Variants in CPNE4 observed in about 807,000 individuals in gnomAD.
The protein encoded by CPNE4 is copine 4, also known as copine-4.
A neutral mutation model predicts 67.9 loss-of-function variants in CPNE4; 25 were observed. The observed-to-expected ratio is 0.37, with a 90% CI of 0.27 to 0.51. The LOEUF (loss-of-function observed/expected upper bound fraction) is 0.51, where lower values mean the gene tolerates loss of function less well. CPNE4 is among the 20% of genes least tolerant of loss of function. The probability of loss-of-function intolerance (pLI) is 0.93; values close to 1 mark genes in which losing one functional copy is unlikely to be tolerated. For missense variants in CPNE4, 464 were observed against 690.8 expected (o/e 0.67, Z 3.68); for synonymous variants, 242 against 244.9 (o/e 0.99, Z 0.11).
chr3:132,015,745 A>G (rs888948670), intron 1 of CPNE4, among the ~76,000 whole-genome samples: 1 of 152,226 alleles, frequency 6.6e-6, no homozygotes. Flanking sequence ...AGGCTAAGCC[A>G]TTGAAGGGAT....
At chr3:131,605,708 G>T (rs934221312) in intron 7 of CPNE4, among the ~76,000 whole-genome samples, 1 of 152,078 alleles carries the variant, frequency 6.6e-6, no homozygotes, top group Non-Finnish European at 1.5e-5. Context: ...ACACTGGAAA[G>T]ATTATAAAGA....
intron 1 of CPNE4, among the ~76,000 whole-genome samples, chr3:131,999,918 C>A (rs950458877): frequency 2.6e-5 from 4 of 151,946 alleles, no homozygotes; most frequent in Non-Finnish European, 5.9e-5. Flanking sequence ...TTCTTTTCCT[C>A]CATTCAATTG....
chr3:132,010,363 T>C (rs1399248695), intron 1 of CPNE4, among the ~76,000 whole-genome samples: 1 of 152,094 alleles, frequency 6.6e-6, no homozygotes, highest in Admixed American at 6.5e-5. Context: ...CAAAATATGG[T>C]TTTTAAGAGA....
intron 2 of CPNE4, among the ~76,000 whole-genome samples, chr3:131,838,580 A>G (rs918456594): frequency 4.7e-5 from 7 of 149,320 alleles, no homozygotes; most frequent in African/African-American, 1.5e-4. Flanking sequence ...AAATAATAAT[A>G]ATGTTGATGA....
intron 2 of CPNE4, among the ~76,000 whole-genome samples, chr3:131,734,033 G>C (rs1411309182): frequency 1.3e-5 from 2 of 152,116 alleles, no homozygotes; most frequent in African/African-American, 4.8e-5. Context: ...CTGAAGCTTG[G>C]GATCAGCTTC....
intron 2 of CPNE4, among the ~76,000 whole-genome samples, chr3:131,897,269 T>A (rs1016818127): frequency 6.6e-6 from 1 of 152,134 alleles, no homozygotes; most frequent in Non-Finnish European, 1.5e-5. Context: ...ACTAGTCTCG[T>A]GACCTGAACA....
intron 1 of CPNE4, among the ~76,000 whole-genome samples, chr3:131,910,142 C>T (rs2107787206): frequency 6.6e-6 from 1 of 152,226 alleles, no homozygotes; most frequent in Non-Finnish European, 1.5e-5. Context: ...CTTCCCTCTG[C>T]TCAGGGCCCT....
chr3:131,898,031 C>G (rs1004450267), intron 2 of CPNE4, among the ~76,000 whole-genome samples: 2 of 151,514 alleles, frequency 1.3e-5, no homozygotes, highest in Non-Finnish European at 2.9e-5. Flanking sequence ...TAAGTACTCT[C>G]AATATATTTA....
Position 131,952,717 on chromosome 3 carries a change from G to A in CPNE4, c.-1-47273C>T, listed in dbSNP as rs561093661. On this transcript the variant is annotated intron_variant, in intron 1 of 15. Transcript: ENST00000429747. ...TGGGAAGTGAGGAGCCCCTCTGCCC[G>A]GCCACCACCCCGTCTGGGAGGTGTA... 2.7e-4 allele frequency among the ~76,000 whole-genome samples: 41 copies of A among 151,988 alleles called. 1 individual carries two copies. The East Asian group carries it at 4.9e-3, about 18-fold the overall frequency.
At chr3:131,910,665 C>G (rs2088942767) in intron 1 of CPNE4, among the ~76,000 whole-genome samples, 1 of 152,128 alleles carries the variant, frequency 6.6e-6, no homozygotes, top group Non-Finnish European at 1.5e-5. Flanking sequence ...AGATTTGCTG[C>G]TTCCTCCCCT....
chr3:131,628,650 A>G (rs1281908216), intron 7 of CPNE4, among the ~76,000 whole-genome samples: 1 of 152,160 alleles, frequency 6.6e-6, no homozygotes, highest in Admixed American at 6.5e-5. Context: ...CCAGGAATTT[A>G]TCCATTTCTT....
At chr3:131,889,495 G>A (rs1473582743) in intron 2 of CPNE4, among the ~76,000 whole-genome samples, 1 of 152,126 alleles carries the variant, frequency 6.6e-6, no homozygotes, top group Non-Finnish European at 1.5e-5. Flanking sequence ...CTAATTTCAG[G>A]TTGAATGAAA....
chr3:131,746,193 A>T (rs1174381500), intron 2 of CPNE4, among the ~76,000 whole-genome samples: 3 of 152,164 alleles, frequency 2.0e-5, no homozygotes, highest in South Asian at 2.1e-4. Flanking sequence ...CGTGATGTTT[A>T]GATTCACATA....
intron 2 of CPNE4, among the ~76,000 whole-genome samples, chr3:131,824,273 T>A (rs959593796): frequency 6.6e-6 from 1 of 152,194 alleles, no homozygotes; most frequent in Non-Finnish European, 1.5e-5. Context: ...ATCTCTGATA[T>A]CTTTCTTGTT....
At chr3:131,972,417 C>T (rs2072528577) in intron 1 of CPNE4, among the ~76,000 whole-genome samples, 1 of 152,152 alleles carries the variant, frequency 6.6e-6, no homozygotes, top group Admixed American at 6.5e-5. Flanking sequence ...AGAACAAATG[C>T]CAATCCCCAG....
intron 1 of CPNE4, among the ~76,000 whole-genome samples, chr3:132,034,086 A>G (rs889021787): frequency 2.0e-5 from 3 of 152,220 alleles, no homozygotes; most frequent in East Asian, 1.9e-4. Context: ...GTGGGGGAGG[A>G]GGTTGAGAGG....
chr3:131,924,269 A>G (rs1214441395), intron 1 of CPNE4, among the ~76,000 whole-genome samples: 2 of 152,144 alleles, frequency 1.3e-5, no homozygotes, highest in African/African-American at 2.4e-5. Flanking sequence ...CCCAACTTCC[A>G]ACCTTATCAG....
chr3:131,742,446 T>C (rs1174236083), intron 2 of CPNE4, among the ~76,000 whole-genome samples: 3 of 152,158 alleles, frequency 2.0e-5, no homozygotes, highest in Non-Finnish European at 4.4e-5. Context: ...CTTCTCAGCT[T>C]CCATAGTTGC....
At chr3:131,641,302 C>T (rs2079534299) in intron 7 of CPNE4, among the ~76,000 whole-genome samples, 3 of 151,852 alleles carry the variant, frequency 2.0e-5, no homozygotes. Context: ...CTACAAAGTA[C>T]TCAAACAAAT....
Sources: gnomAD v4.1 joint callset for allele counts (sites outside exome capture counted in the v4.1 genomes callset) on GRCh38, gnomAD v4.1.1 for gene constraint, MANE v1.5 for transcripts, NCBI Gene and HGNC (gene_info 2026-07-23, HGNC 2026-07-21) for gene names.